GRM3: variants seen among roughly 807,000 people sequenced by gnomAD.
GRM3 encodes the protein glutamate metabotropic receptor 3.
In GRM3, 26 loss-of-function variants were observed where a neutral mutation model predicts 70.5. The observed-to-expected ratio is 0.37, with a 90% confidence interval of 0.27 to 0.51. GRM3 has a LOEUF of 0.51. Among genes scored for constraint, GRM3 ranks in the 20% least tolerant of loss-of-function variants. The pLI, the probability that GRM3 is intolerant of heterozygous loss-of-function variation, is 0.93. For synonymous variants in GRM3, 443 were observed against 434.9 expected, an observed-to-expected ratio of 1.02 and a Z score of -0.23; for missense variants, 859 against 1,123.8, an observed-to-expected ratio of 0.76 and a Z score of 3.37.
chr7:86,727,172 T>A (rs1372987533), intron 1 of GRM3, among the ~76,000 whole-genome samples: 1 of 152,114 alleles, frequency 6.6e-6, no homozygotes, highest in South Asian at 2.1e-4. Flanking sequence ...AACAGAGTCA[T>A]AGGAAATTTG....
intron 1 of GRM3, among the ~76,000 whole-genome samples, chr7:86,654,370 T>C (rs1451866577): frequency 6.6e-6 from 1 of 152,176 alleles, no homozygotes; most frequent in East Asian, 1.9e-4. Context: ...CTCAGGAATC[T>C]CAGAGACAAA....
chr7:86,702,055 T>A (rs1440433084), intron 1 of GRM3, among the ~76,000 whole-genome samples: 3 of 152,024 alleles, frequency 2.0e-5, no homozygotes, highest in Admixed American at 1.3e-4. Flanking sequence ...AGAAGTCCTT[T>A]TTTATTTATT....
chr7:86,682,688 C>T (rs1044263739), intron 1 of GRM3, among the ~76,000 whole-genome samples: 4 of 152,062 alleles, frequency 2.6e-5, no homozygotes, highest in Non-Finnish European at 4.4e-5. Flanking sequence ...TCTTCTCAGC[C>T]TTATTTTTAG....
At chr7:86,813,675 C>T (rs914795473) in intron 3 of GRM3, among the ~76,000 whole-genome samples, 4 of 151,648 alleles carry the variant, frequency 2.6e-5, no homozygotes, top group African/African-American at 9.7e-5. Context: ...CACATTGGTT[C>T]CTATTAATGT....
At chr7:86,685,448 C>T (rs1173403999) in intron 1 of GRM3, among the ~76,000 whole-genome samples, 1 of 152,194 alleles carries the variant, frequency 6.6e-6, no homozygotes, top group Non-Finnish European at 1.5e-5. Flanking sequence ...GAAACAAGCT[C>T]TGGCACCTGT....
intron 1 of GRM3, among the ~76,000 whole-genome samples, chr7:86,675,271 C>A (rs1192730154): frequency 6.6e-6 from 1 of 152,040 alleles, no homozygotes; most frequent in Non-Finnish European, 1.5e-5. Context: ...CCACCATTTT[C>A]AAGTAGGATT....
chr7:86,685,716 A>T (rs1794547831), intron 1 of GRM3, among the ~76,000 whole-genome samples: 1 of 152,024 alleles, frequency 6.6e-6, no homozygotes, highest in Non-Finnish European at 1.5e-5. Context: ...ACCATCCTGG[A>T]CAACAGGGTG....
At chr7:86,858,680 T>G (rs1443958609) in intron 5 of GRM3, among the ~76,000 whole-genome samples, 2 of 152,214 alleles carry the variant, frequency 1.3e-5, no homozygotes, top group Non-Finnish European at 2.9e-5. Flanking sequence ...GAAAATGGAC[T>G]GAGACCAAGT....
intron 3 of GRM3, among the ~76,000 whole-genome samples, chr7:86,804,997 C>G (rs759564652): frequency 6.6e-6 from 1 of 151,990 alleles, no homozygotes; most frequent in Non-Finnish European, 1.5e-5. Flanking sequence ...GCCTGTAGTC[C>G]CAGCTACCTG....
intron 1 of GRM3, among the ~76,000 whole-genome samples, chr7:86,677,533 C>A (rs1030361387): frequency 3.3e-5 from 5 of 151,926 alleles, no homozygotes; most frequent in Non-Finnish European, 7.4e-5. Context: ...TTAATTTGCT[C>A]TTTTAGAAGC....
intron 1 of GRM3, among the ~76,000 whole-genome samples, chr7:86,687,185 T>C (rs1325609323): frequency 6.6e-6 from 1 of 151,836 alleles, no homozygotes; most frequent in Non-Finnish European, 1.5e-5. Context: ...AGAACATAAA[T>C]GATTGAAAAA....
intron 3 of GRM3, among the ~76,000 whole-genome samples, chr7:86,803,190 T>C (rs1584254611): frequency 6.6e-6 from 1 of 152,250 alleles, no homozygotes; most frequent in South Asian, 2.1e-4. Flanking sequence ...TTCATTTCTA[T>C]TCACTATGTG....
chr7:86,716,055 A>G (rs1795306649), intron 1 of GRM3, among the ~76,000 whole-genome samples: 1 of 152,030 alleles, frequency 6.6e-6, no homozygotes, highest in Non-Finnish European at 1.5e-5. Context: ...AACAATTAAC[A>G]TACCTTCTTT....
chr7:86,839,500 G>C lies in GRM3; in HGVS notation c.1986G>C (p.Lys662Asn). 3 of 1,609,396 alleles carry C rather than the reference G, an allele frequency of 1.9e-6. No individual in the cohort carries two copies. The highest frequency in any genetic ancestry group is 2.5e-6 in the Non-Finnish European group (3 of 1,177,278). ...FAICYSALLTKTNCIARIFDG... is the reference protein window; with the variant it reads ...FAICYSALLTNTNCIARIFDG... ...TCTGTTACTCAGCCCTGCTGACCAA[G>C]ACAAACTGCATTGCCCGCATCTTCG... The change falls in exon 4 of 6, where the codon AAG becomes AAC. Residue 662 changes from lysine (K) to asparagine (N), a missense_variant. By Grantham distance (94) the Lys-to-Asn change is moderately conservative (BLOSUM62 0). Coordinates refer to ENST00000361669, the MANE Select transcript of GRM3 (RefSeq NM_000840.3). This position sits in a 1 kb window ranked among gnomAD's most constrained non-coding sequence, Gnocchi z 4.5.
At chr7:86,826,019 C>A (rs190747646) in intron 3 of GRM3, among the ~76,000 whole-genome samples, 70 of 152,124 alleles carry the variant, frequency 4.6e-4, no homozygotes, top group Non-Finnish European at 5.7e-4. Context: ...TTAAAAAAGT[C>A]ATGGATATGC....
At chr7:86,808,932 T>C (rs1797853617) in intron 3 of GRM3, among the ~76,000 whole-genome samples, 1 of 138,724 alleles carries the variant, frequency 7.2e-6, no homozygotes, top group Non-Finnish European at 1.5e-5. Flanking sequence ...GATTTTGGAC[T>C]TTACTCTGAG....
intron 1 of GRM3, among the ~76,000 whole-genome samples, chr7:86,752,029 T>A (rs969132318): frequency 6.6e-6 from 1 of 152,136 alleles, no homozygotes; most frequent in Non-Finnish European, 1.5e-5. Context: ...AAGTGTAATA[T>A]ACATACAGAA....
chr7:86,655,329 A>G (rs1368245997), intron 1 of GRM3, among the ~76,000 whole-genome samples: 2 of 152,230 alleles, frequency 1.3e-5, no homozygotes, highest in African/African-American at 4.8e-5. Flanking sequence ...TTTTTATTCA[A>G]AACATCCATG....
chr7:86,768,002 C>T (rs184363583), intron 2 of GRM3, among the ~76,000 whole-genome samples: 40 of 152,142 alleles, frequency 2.6e-4, no homozygotes, highest in African/African-American at 9.4e-4. Flanking sequence ...CATGAAGTCA[C>T]AAACATTGAT....
Sources: allele counts gnomAD v4.1 joint callset (sites outside exome capture counted in the v4.1 genomes callset), GRCh38; gene constraint gnomAD v4.1.1; non-coding constraint Gnocchi (gnomAD v3.1); transcripts MANE v1.5; gene names NCBI Gene and HGNC (gene_info 2026-07-23, HGNC 2026-07-21).